PAX2: variants seen among roughly 807,000 people sequenced by gnomAD.
The protein encoded by PAX2 is paired box protein Pax-2.
In PAX2, 9 loss-of-function variants were observed where a neutral mutation model predicts 41.7. The ratio of observed to expected loss-of-function variants is 0.22; its 90% confidence interval spans 0.13 to 0.38. PAX2 has a LOEUF of 0.38. Among genes scored for constraint, PAX2 ranks in the 10% least tolerant of loss-of-function variants. The pLI, the probability that PAX2 is intolerant of heterozygous loss-of-function variation, is 1.00. For missense variants in PAX2, 418 were observed against 531.6 expected (o/e 0.79, Z 2.10); for synonymous variants, 221 against 212.7 (o/e 1.04, Z -0.34).
At chr10:100,749,349 G>C in intron 1 of PAX2, 2 of 1,016,324 alleles carry the variant, frequency 2.0e-6, no homozygotes, top group Non-Finnish European at 2.4e-6. Flanking sequence ...CGGCGCAGGC[G>C]GGATGCTGCT....
chr10:100,756,426 C>G (rs777995058), intron 3 of PAX2, among the ~76,000 whole-genome samples: 7 of 152,210 alleles, frequency 4.6e-5, no homozygotes, highest in Non-Finnish European at 8.8e-5. Flanking sequence ...AAGTGACAAG[C>G]ATCCAGTAGA....
intron 1 of PAX2, among the ~76,000 whole-genome samples, chr10:100,738,980 C>T (rs1844857929): frequency 1.3e-5 from 2 of 151,436 alleles, no homozygotes; most frequent in Admixed American, 1.3e-4. Context: ...TCCCCCTTTC[C>T]CCGAGGGCCT....
chr10:100,825,731 T>G (rs113278708), intron 8 of PAX2, among the ~76,000 whole-genome samples: 50 of 152,200 alleles, frequency 3.3e-4, no homozygotes, highest in African/African-American at 1.2e-3. Flanking sequence ...TAACCCTGGG[T>G]AAGCAGAGCT....
At chr10:100,737,599 C>T (rs1844820347) in intron 1 of PAX2, among the ~76,000 whole-genome samples, 1 of 152,250 alleles carries the variant, frequency 6.6e-6, no homozygotes, top group Admixed American at 6.5e-5. Context: ...AAGGAAACCG[C>T]ACTTCGAGGC....
At chr10:100,810,925 T>C (rs1847970714) in intron 7 of PAX2, among the ~76,000 whole-genome samples, 1 of 152,178 alleles carries the variant, frequency 6.6e-6, no homozygotes, top group East Asian at 1.9e-4. Context: ...TCCATCTGGA[T>C]CCAAGTGTGA....
At chr10:100,757,677 A>G (rs891515594) in intron 3 of PAX2, among the ~76,000 whole-genome samples, 1 of 152,216 alleles carries the variant, frequency 6.6e-6, no homozygotes, top group African/African-American at 2.4e-5. Flanking sequence ...AGCTCACCCC[A>G]GGGCCAGCCT....
intron 5 of PAX2, among the ~76,000 whole-genome samples, chr10:100,801,705 G>T (rs1277295678): frequency 1.3e-5 from 2 of 152,242 alleles, no homozygotes; most frequent in Admixed American, 6.5e-5. Context: ...TTTGGGGAGG[G>T]TGCCAGGCAA....
chr10:100,823,132 T>G (rs931157170), intron 7 of PAX2, among the ~76,000 whole-genome samples: 4 of 152,164 alleles, frequency 2.6e-5, no homozygotes, highest in African/African-American at 9.7e-5. Context: ...TGACAATACT[T>G]GGTGACTGAC....
chr10:100,821,674 T>C (rs1314875898), intron 7 of PAX2, among the ~76,000 whole-genome samples: 3 of 152,260 alleles, frequency 2.0e-5, no homozygotes, highest in Non-Finnish European at 4.4e-5. Flanking sequence ...TTATCCAGCC[T>C]GTCTTCCTTC....
intron 5 of PAX2, among the ~76,000 whole-genome samples, chr10:100,781,644 C>T (rs139645424): frequency 3.9e-4 from 59 of 152,318 alleles, no homozygotes; most frequent in African/African-American, 1.4e-3. Context: ...AAGCAAGAAC[C>T]GTTTACCTTG....
chr10:100,790,717 TG>T (rs1847079079), intron 5 of PAX2, among the ~76,000 whole-genome samples: 1 of 152,182 alleles, frequency 6.6e-6, no homozygotes, highest in Non-Finnish European at 1.5e-5. Flanking sequence ...GCCAGCGGAA[TG>T]GTCCTGGCAG....
rs1845391660 is a variant in PAX2, at chr10:100,750,340, G to T, written c.213-354G>T. On this transcript the variant is annotated intron_variant, in intron 2 of 9. Coordinates refer to ENST00000355243, the MANE Select transcript of PAX2 (RefSeq NM_000278.5). This position sits in a 1 kb window ranked among gnomAD's most constrained non-coding sequence, Gnocchi z 4.1. ...AGATGCTCTGTGCCCAGTAGGAAAG[G>T]GCTCGAGGTGGTGCCTCAACCCTGG... 6.6e-6 allele frequency among the ~76,000 whole-genome samples: 1 copy of T among 152,092 alleles called. No individual in the cohort carries two copies. Among genetic ancestry groups the T allele is most frequent in the South Asian group, 2.1e-4 (1 of 4,812 alleles).
At chr10:100,814,727 C>A (rs1229602529) in intron 7 of PAX2, among the ~76,000 whole-genome samples, 1 of 152,226 alleles carries the variant, frequency 6.6e-6, no homozygotes, top group East Asian at 1.9e-4. Flanking sequence ...GCTTCCCCAT[C>A]CTGGTTGGGG....
intron 1 of PAX2, chr10:100,735,759 G>A (rs1353789048): frequency 2.9e-5 from 30 of 1,035,472 alleles, no homozygotes; most frequent in Non-Finnish European, 3.4e-5. Context: ...ACCCGTCCGC[G>A]CCGCAGGCGA....
chr10:100,769,141 A>G (rs927903244), intron 3 of PAX2, among the ~76,000 whole-genome samples: 1 of 152,212 alleles, frequency 6.6e-6, no homozygotes, highest in African/African-American at 2.4e-5. Context: ...TGGCTCTGTT[A>G]CTTAACAGCT....
intron 1 of PAX2, chr10:100,747,916 C>T: frequency 1.0e-6 from 1 of 983,906 alleles, no homozygotes; most frequent in Non-Finnish European, 1.2e-6. Flanking sequence ...CCGCCGAGTC[C>T]TGGCTGCCCG....
rs1845140518 is a variant in PAX2, at chr10:100,745,804, AC to A, written c.-456del. The A allele has an allele frequency of 9.3e-7, 1 of 1,077,650 alleles. No homozygotes were observed. Among genetic ancestry groups the A allele is most frequent in the South Asian group, 4.1e-5 (1 of 24,230 alleles). 66.8% of individuals were successfully genotyped at this position (1,077,650 alleles called of 1,614,324 possible). On this transcript the variant is annotated 5_prime_UTR_variant, in exon 1 of 10. Coordinates refer to ENST00000355243, the MANE Select transcript of PAX2 (RefSeq NM_000278.5). ...CTGCCAACTTCGCCAACTCGCCAGC[AC>A]TTGGAGAGGCCCGGCTCCCCTCCCG...
At chr10:100,781,735 A>T (rs1705437620) in intron 5 of PAX2, among the ~76,000 whole-genome samples, 1 of 152,170 alleles carries the variant, frequency 6.6e-6, no homozygotes, top group African/African-American at 2.4e-5. Context: ...ACCTGATCCC[A>T]ATCTGTCTGG....
intron 1 of PAX2, among the ~76,000 whole-genome samples, chr10:100,739,220 C>G (rs1369199226): frequency 2.0e-5 from 3 of 152,162 alleles, no homozygotes; most frequent in Non-Finnish European, 4.4e-5. Context: ...CCTCGGGTCT[C>G]TCCTTGTTTC....
Sources: allele counts gnomAD v4.1 joint callset (sites outside exome capture counted in the v4.1 genomes callset), GRCh38; gene constraint gnomAD v4.1.1; non-coding constraint Gnocchi (gnomAD v3.1); transcripts MANE v1.5; gene names NCBI Gene and HGNC (gene_info 2026-07-23, HGNC 2026-07-21).